The following EOMES variants were observed in gnomAD, a reference collection of about 807,000 sequenced individuals.
EOMES encodes the protein eomesodermin homolog.
In EOMES, 18 loss-of-function variants were observed where a neutral mutation model predicts 61.0. The observed-to-expected ratio is 0.30, with a 90% CI of 0.20 to 0.44. The LOEUF (loss-of-function observed/expected upper bound fraction) is 0.44. EOMES is among the 20% of genes least tolerant of loss of function. The pLI, the probability that EOMES is intolerant of heterozygous loss-of-function variation, is 1.00. For missense variants in EOMES, 885 were observed against 939.2 expected, an observed-to-expected ratio of 0.94 and a Z score of 0.75; for synonymous variants, 430 against 394.0, an observed-to-expected ratio of 1.09 and a Z score of -1.08.
chr3:27,716,785 G>A lies in EOMES; in HGVS notation c.*285C>T. On this transcript the variant is annotated 3_prime_UTR_variant, in exon 6 of 6. Transcript: ENST00000449599. ...TGTTCACAGCCTGCTTCTTTGAAGGGTTAGTGTCTCCCCAATAAATAAATA... is the reference window on the plus strand; with the variant it reads ...TGTTCACAGCCTGCTTCTTTGAAGGATTAGTGTCTCCCCAATAAATAAATA... 5.6e-6 allele frequency: 2 copies of A among 357,540 alleles called. No individual in the cohort carries two copies. The highest frequency in any genetic ancestry group is 1.0e-5 in the Non-Finnish European group (2 of 200,004). 22.1% of individuals were successfully genotyped at this position (357,540 alleles called of 1,614,324 possible). A position where few individuals can be genotyped will look rare whatever the true frequency, so the allele number is the denominator to read the frequency against.
rs2060567619 is a variant in EOMES at position 27,716,130 on chromosome 3, A to G, written c.*940T>C. 6.6e-6 allele frequency: 1 copy of G among 152,218 alleles called. No homozygotes were observed. Among genetic ancestry groups the G allele is most frequent in the African/African-American group, 2.4e-5 (1 of 41,456 alleles). 9.4% of individuals were successfully genotyped at this position (152,218 alleles called of 1,614,324 possible). A position where few individuals can be genotyped will look rare whatever the true frequency, so the allele number is the denominator to read the frequency against. On this transcript the variant is annotated 3_prime_UTR_variant, in exon 6 of 6. Transcript: ENST00000449599. The stretch of plus-strand genomic sequence containing the variant: ...AGGAGTTTTCCTTAAACACGGTTCA[A>G]GTTAGTACATAGTAGCTGAATACAT...
rs1333506961 is a variant in EOMES at position 27,721,717 on chromosome 3, G to A, written c.578C>T (p.Pro193Leu). ...GCACACAGCCGCGGGGAAGCCGCCG[G>A]GGGGCAGCATGGAGCCGTAGGGGTA... ...ARYPYGSMLP[P>L]GGFPAAVCPP... The change falls in exon 1 of 6, where the codon CCC (proline) becomes CTC (leucine). Residue 193 changes from proline to leucine, a missense_variant. Physicochemically the swap from Pro to Leu is moderately conservative, Grantham distance 98. Around this residue, in one of 3 missense-constraint regions of EOMES, gnomAD observed 449 missense variants for 383.6 expected, o/e 1.17. Coordinates refer to ENST00000449599, the MANE Select transcript of EOMES (RefSeq NM_001278182.2). The surrounding 1 kb of genome is among the most constrained non-coding windows in gnomAD (Gnocchi z 7.4). 3 of 1,490,320 alleles carry A rather than the reference G, an allele frequency of 2.0e-6. No individual in the cohort carries two copies. The highest frequency in any genetic ancestry group is 2.8e-5 in the Admixed American group (1 of 36,356). The allele number at this position is 1,490,320 out of a possible 1,614,324, so 92.3% of individuals were successfully genotyped here. A position where few individuals can be genotyped will look rare whatever the true frequency, so the allele number is the denominator to read the frequency against.
intron 3 of EOMES, 108 bp downstream of exon 3, chr3:27,719,252 G>A (rs2060592434): frequency 8.6e-7 from 1 of 1,159,492 alleles, no homozygotes; most frequent in South Asian, 1.5e-5. Flanking sequence ...GAGCAAACAG[G>A]TCACAAATGC....
upstream of EOMES, chr3:27,722,392 A>G: frequency 7.3e-7 from 1 of 1,369,424 alleles, no homozygotes; most frequent in South Asian, 1.7e-5. Flanking sequence ...TCCGAGGGGA[A>G]GGTAACTTCC....
chr3:27,721,296 G>GA lies in EOMES; in HGVS notation c.881+117dup. Reference sequence around the variant, plus strand: ...TCTACGGAGATTTATTGCGCGCGGTGAAACACTCTAAGCACCGCGCGGAAC... The same window carrying GA: ...TCTACGGAGATTTATTGCGCGCGGTGAAAACACTCTAAGCACCGCGCGGAAC... On this transcript the variant is annotated intron_variant, in intron 1 of 5. Coordinates refer to ENST00000449599, the MANE Select transcript of EOMES (RefSeq NM_001278182.2). This position sits in a 1 kb window ranked among gnomAD's most constrained non-coding sequence, Gnocchi z 7.4. 1.3e-6 allele frequency: 1 copy of GA among 778,270 alleles called. No individual in the cohort carries two copies. Among genetic ancestry groups the GA allele is most frequent in the East Asian group, 2.7e-5 (1 of 37,228 alleles). 48.2% of individuals were successfully genotyped at this position (778,270 alleles called of 1,614,324 possible). A position where few individuals can be genotyped will look rare whatever the true frequency, so the allele number is the denominator to read the frequency against.
chr3:27,720,996 T>A (rs1178227138), intron 1 of EOMES, among the ~76,000 whole-genome samples: 3 of 152,150 alleles, frequency 2.0e-5, no homozygotes, highest in Non-Finnish European at 4.4e-5. Context: ...CGCCTAAAAC[T>A]GCGGGAGCCC....
Position 27,718,999 on chromosome 3 carries a change from C to T in EOMES, c.1159-106G>A, listed in dbSNP as rs141844332. On this transcript the variant is annotated intron_variant, in intron 3 of 5. Transcript: ENST00000449599. ...TATTTTGGTATTGGACTTCTAAATG[C>T]TCCTCACTAACAGCTTTGTTTATTG... 47 of 816,368 alleles carry T rather than the reference C, an allele frequency of 5.8e-5. No individual in the cohort carries two copies. In the East Asian group the frequency reaches 1.2e-3, roughly 21 times the overall value. The allele number at this position is 816,368 out of a possible 1,614,324, so 50.6% of individuals were successfully genotyped here. A position where few individuals can be genotyped will look rare whatever the true frequency, so the allele number is the denominator to read the frequency against.
chr3:27,719,242 G>A (rs761156882), intron 3 of EOMES, 118 bp downstream of exon 3: 18 of 1,058,094 alleles, frequency 1.7e-5, no homozygotes, highest in Admixed American at 4.5e-5. Context: ...AGAAATAGGC[G>A]AGCAAACAGG....
At chr3:27,720,839 T>C (rs2060606919) in intron 1 of EOMES, among the ~76,000 whole-genome samples, 1 of 152,150 alleles carries the variant, frequency 6.6e-6, no homozygotes. Context: ...TGTTAGCAGT[T>C]GGATGTATAT....
intron 5 of EOMES, among the ~76,000 whole-genome samples, chr3:27,718,288 A>T (rs1448991824): frequency 1.3e-5 from 2 of 152,156 alleles, no homozygotes; most frequent in African/African-American, 4.8e-5. Context: ...GGATAAAAAA[A>T]TGGATCAAAT....
Position 27,717,629 on chromosome 3 carries a change from C to T in EOMES, c.1559G>A (p.Gly520Asp). The change falls in exon 6 of 6, where the codon GGC becomes GAC. Residue 520 changes from glycine to aspartate, a missense_variant. Physicochemically the swap from Gly to Asp is moderately conservative, Grantham distance 94 (BLOSUM62 -1). Transcript: ENST00000449599. This position sits in a 1 kb window ranked among gnomAD's most constrained non-coding sequence, Gnocchi z 4.5. ...NGERTVPQTN[G>D]LLSPQQSEEV... ...TTCGCTCTGTTGGGGTGAAAGGAGG[C>T]CGTTGGTCTGTGGCACGGTTCTCTC... The T allele has an allele frequency of 1.9e-6, 3 of 1,614,042 alleles. No homozygotes were observed. Among genetic ancestry groups the T allele is most frequent in the Non-Finnish European group, 2.5e-6 (3 of 1,180,008 alleles).
chr3:27,722,369 G>C, upstream of EOMES: 1 of 1,389,186 alleles, frequency 7.2e-7, no homozygotes, highest in Non-Finnish European at 9.3e-7. Context: ...GGATGGGGGA[G>C]CCAGCGCCCT....
At position 27,721,503 on chromosome 3, in the gene EOMES, G is replaced by A; in HGVS notation, c.792C>T (p.Gly264=). Residue 264 remains glycine (G), a synonymous_variant, in exon 1 of 6, where the codon GGC becomes GGT. Coordinates refer to ENST00000449599, the MANE Select transcript of EOMES (RefSeq NM_001278182.2). This position sits in a 1 kb window ranked among gnomAD's most constrained non-coding sequence, Gnocchi z 7.4. ...GLGGLGVPGS[G]FRAHVYLCNR... ...TGCACAGGTAGACGTGGGCACGGAAGCCAGAACCTGGAACCCCCAGGCCCC... is the reference window on the plus strand; with the variant it reads ...TGCACAGGTAGACGTGGGCACGGAAACCAGAACCTGGAACCCCCAGGCCCC... 6.2e-7 allele frequency: 1 copy of A among 1,613,224 alleles called. No homozygotes were observed. The highest frequency in any genetic ancestry group is 1.3e-5 in the African/African-American group (1 of 75,026).
Position 27,717,287 on chromosome 3 carries a change from C to A in EOMES, c.1901G>T (p.Gly634Val). The part of the protein sequence containing the change: ...LSKEKVKEEI[G>V]SSWIETPPSI... Reference sequence around the variant, plus strand: ...AGGGGGTGTCTCTATCCAAGAAGAGCCAATTTCCTCTTTCACTTTCTCCTT... The same window carrying A: ...AGGGGGTGTCTCTATCCAAGAAGAGACAATTTCCTCTTTCACTTTCTCCTT... Residue 634 changes from glycine (G) to valine (V), a missense_variant, in exon 6 of 6, where the codon GGC becomes GTC. Coordinates refer to ENST00000449599, the MANE Select transcript of EOMES (RefSeq NM_001278182.2). The surrounding 1 kb of genome is among the most constrained non-coding windows in gnomAD (Gnocchi z 4.5). The A allele has an allele frequency of 6.2e-7, 1 of 1,613,838 alleles. No homozygotes were observed. The highest frequency in any genetic ancestry group is 8.5e-7 in the Non-Finnish European group (1 of 1,179,756).
At chr3:27,719,530 T>C in intron 2 of EOMES, 49 bp from the exon 3 acceptor site, 1 of 1,569,490 alleles carries the variant, frequency 6.4e-7, no homozygotes. Flanking sequence ...TAGGGCTGTT[T>C]ACAAATGGAG....
chr3:27,719,196 G>A (rs1397599881), intron 3 of EOMES, among the ~76,000 whole-genome samples, 164 bp downstream of exon 3: 2 of 152,110 alleles, frequency 1.3e-5, no homozygotes, highest in African/African-American at 2.4e-5. Flanking sequence ...CAATAAGAAA[G>A]TGAAGATGAG....
Position 27,722,237 on chromosome 3 carries a change from A to G in EOMES, c.58T>C (p.Tyr20His). Residue 20 changes from tyrosine to histidine, a missense_variant, in exon 1 of 6, where the codon TAC becomes CAC. By Grantham distance (83) the Tyr-to-His change is moderately conservative. This residue lies in a region of EOMES where 449 missense variants were observed against 383.6 expected (regional missense o/e 1.17). Coordinates refer to ENST00000449599, the MANE Select transcript of EOMES (RefSeq NM_001278182.2). ...SSVNLPGAHF[Y>H]PLESARGGSG... ...CCGCCTCGCGCACTCTCCAGCGGGT[A>G]GAAGTGCGCGCCAGGCAGGTTCACT... 1.9e-6 allele frequency: 3 copies of G among 1,605,310 alleles called. No individual in the cohort carries two copies. Among genetic ancestry groups the G allele is most frequent in the South Asian group, 1.1e-5 (1 of 90,184 alleles).
Position 27,720,330 on chromosome 3 carries a change from G to A in EOMES, c.882-5C>T. The A allele has an allele frequency of 3.7e-6, 6 of 1,613,448 alleles. No individual in the cohort carries two copies. The highest frequency in any genetic ancestry group is 5.1e-6 in the Non-Finnish European group (6 of 1,179,424). ...CTCAAGAAAGGAAACATGCGCCTGT[G>A]CAAGGGAATAGAATCAGAAAAATCG... On this transcript the variant is annotated splice_region_variant and splice_polypyrimidine_tract_variant and intron_variant, in intron 1 of 5. Coordinates refer to ENST00000449599, the MANE Select transcript of EOMES (RefSeq NM_001278182.2).
Position 27,721,900 on chromosome 3 carries a change from G to C in EOMES, c.395C>G (p.Ala132Gly). The change falls in exon 1 of 6, where the codon GCG becomes GGG. Residue 132 changes from alanine to glycine, a missense_variant. This residue lies in a region of EOMES where 449 missense variants were observed against 383.6 expected (regional missense o/e 1.17). Coordinates refer to ENST00000449599, the MANE Select transcript of EOMES (RefSeq NM_001278182.2). The surrounding 1 kb of genome is among the most constrained non-coding windows in gnomAD (Gnocchi z 7.4). ...GCTCAGGCTGTCCATGGAGTAGCGC[G>C]CAGTGGCCGCAGCCGCGGCGGCGGC... ...AAAAAAAAAT[A>G]RYSMDSLSSE... The C allele has an allele frequency of 2.1e-6, 3 of 1,420,896 alleles. No homozygotes were observed. The highest frequency in any genetic ancestry group is 2.7e-6 in the Non-Finnish European group (3 of 1,096,518). The allele number at this position is 1,420,896 out of a possible 1,614,324, so 88.0% of individuals were successfully genotyped here. A position where few individuals can be genotyped will look rare whatever the true frequency, so the allele number is the denominator to read the frequency against.
Sources: gnomAD v4.1 joint callset for allele counts (sites outside exome capture counted in the v4.1 genomes callset) on GRCh38, gnomAD v4.1.1 for gene constraint, gnomAD v4.1.1 regional missense constraint, Gnocchi (gnomAD v3.1) non-coding constraint, MANE v1.5 for transcripts, NCBI Gene and HGNC (gene_info 2026-07-23, HGNC 2026-07-21) for gene names.